The following CEMIP variants were observed in gnomAD, a reference collection of about 807,000 sequenced individuals.
The protein encoded by CEMIP is cell migration-inducing and hyaluronan-binding protein.
In CEMIP, 105 loss-of-function variants were observed where a neutral mutation model predicts 156.9. The observed-to-expected ratio is 0.67, with a 90% confidence interval of 0.57 to 0.79. CEMIP has a LOEUF of 0.79. Among genes scored for constraint, CEMIP ranks in the 30% least tolerant of loss-of-function variants. The pLI, the probability that CEMIP is intolerant of heterozygous loss-of-function variation, is 0.00. For synonymous variants in CEMIP, 676 were observed against 668.4 expected (o/e 1.01, Z -0.17); for missense variants, 1,457 against 1,769.4 (o/e 0.82, Z 3.17).
At chr15:80,927,043 C>A (rs761152385) in intron 19 of CEMIP, among the ~76,000 whole-genome samples, 24 of 152,326 alleles carry the variant, frequency 1.6e-4, no homozygotes, top group East Asian at 1.4e-3. Context: ...ATTGGCCAGG[C>A]TGGTCGCAAG....
At chr15:80,827,149 G>A (rs35519924) in intron 1 of CEMIP, among the ~76,000 whole-genome samples, 54,513 of 152,020 alleles carry the variant, frequency 0.36, 11,070 homozygotes, top group Non-Finnish European at 0.44. Flanking sequence ...CTGGGGATAG[G>A]TGACGTGTCC....
rs1901398119 is a variant in CEMIP, at chr15:80,942,950, T to C, written c.3705T>C (p.Asp1235=). 5 of 1,614,180 alleles carry C rather than the reference T, an allele frequency of 3.1e-6. No individual in the cohort carries two copies. The highest frequency in any genetic ancestry group is 4.2e-6 in the Non-Finnish European group (5 of 1,180,028). ...GGATTGCTCTGGCTCTGTAGGTGGA[T>C]GGGAAGAAGTACCCCAGTTCGGAGG... ...LWNDFAYIEV[D]GKKYPSSEDG... The change falls in exon 28 of 30, where the codon GAT becomes GAC. Residue 1235 remains aspartate, a synonymous_variant. Coordinates refer to ENST00000394685, the MANE Select transcript of CEMIP (RefSeq NM_001293298.2).
chr15:80,881,168 A>C, intron 6 of CEMIP, 32 bp downstream of exon 6: 341 of 1,569,360 alleles, frequency 2.2e-4, no homozygotes, highest in Non-Finnish European at 2.7e-4. Flanking sequence ...ACGTATACTC[A>C]TTCATTCAAA....
At chr15:80,886,734 G>T (rs1468072303) in intron 7 of CEMIP, among the ~76,000 whole-genome samples, 1 of 152,202 alleles carries the variant, frequency 6.6e-6, no homozygotes, top group African/African-American at 2.4e-5. Flanking sequence ...GTCTGTACAC[G>T]AGGTTTGATG....
At position 80,840,136 on chromosome 15, in the gene CEMIP, G is replaced by A. The variant is rs192073900; in HGVS notation, c.-175-33402G>A. 4.5e-3 allele frequency among the ~76,000 whole-genome samples: 690 copies of A among 152,318 alleles called. 4 individuals are homozygous for A. Among genetic ancestry groups the A allele is most frequent in the African/African-American group, 0.015 (610 of 41,576 alleles). On this transcript the variant is annotated intron_variant, in intron 1 of 29. Transcript: ENST00000394685. ...AAGGGGGGTGTCTAAGTCCCAAGGT[G>A]CTTCCTAGGGGCTCGGAGGGTGGCC...
At chr15:80,824,961 T>C (rs887724325) in intron 1 of CEMIP, among the ~76,000 whole-genome samples, 1 of 152,166 alleles carries the variant, frequency 6.6e-6, no homozygotes. Flanking sequence ...ATCATCAGAT[T>C]GGGATATATG....
At chr15:80,945,069 C>T (rs1901491728) in intron 28 of CEMIP, among the ~76,000 whole-genome samples, 1 of 152,216 alleles carries the variant, frequency 6.6e-6, no homozygotes, top group African/African-American at 2.4e-5. Context: ...TGCTTCCTAC[C>T]CCATCCAGCA....
chr15:80,803,973 G>A (rs936126378), intron 1 of CEMIP, among the ~76,000 whole-genome samples: 2 of 152,226 alleles, frequency 1.3e-5, no homozygotes, highest in African/African-American at 4.8e-5. Context: ...CACAGCTGGG[G>A]AGGCCTCACA....
intron 7 of CEMIP, among the ~76,000 whole-genome samples, chr15:80,887,052 TAC>T (rs1898868407): frequency 6.6e-6 from 1 of 152,186 alleles, no homozygotes; most frequent in Admixed American, 6.5e-5. Context: ...CATTAGGCAT[TAC>T]GCAAAATGCC....
chr15:80,814,607 G>C (rs1455497832), intron 1 of CEMIP, among the ~76,000 whole-genome samples: 1 of 152,176 alleles, frequency 6.6e-6, no homozygotes, highest in Non-Finnish European at 1.5e-5. Context: ...GGCAGAACCT[G>C]TGGGTGCCTT....
At chr15:80,793,209 G>A (rs1896126961) in intron 1 of CEMIP, among the ~76,000 whole-genome samples, 1 of 152,134 alleles carries the variant, frequency 6.6e-6, no homozygotes, top group South Asian at 2.1e-4. Flanking sequence ...TGCCTAGCTT[G>A]GCTGTGTAAC....
intron 1 of CEMIP, among the ~76,000 whole-genome samples, chr15:80,862,785 G>A (rs936306716): frequency 6.6e-6 from 1 of 152,232 alleles, no homozygotes; most frequent in Non-Finnish European, 1.5e-5. Context: ...TGCAGCATGA[G>A]CTGGGACAGG....
Position 80,863,314 on chromosome 15 carries a change from G to A in CEMIP, c.-175-10224G>A, listed in dbSNP as rs192411134. On this transcript the variant is annotated intron_variant, in intron 1 of 29. Transcript: ENST00000394685. ...ACAAGGAGTTGAAAGTTGCAGAGCC[G>A]GCAAATAGCCAGATTCATTTGGCAA... 7.9e-5 allele frequency among the ~76,000 whole-genome samples: 12 copies of A among 152,300 alleles called. No homozygotes were observed. The South Asian group carries it at 1.0e-3, about 13-fold the overall frequency.
intron 1 of CEMIP, among the ~76,000 whole-genome samples, chr15:80,819,074 T>C (rs1896854302): frequency 6.6e-6 from 1 of 152,228 alleles, no homozygotes. Flanking sequence ...GTAACACATC[T>C]TTCTAGAGAC....
At chr15:80,872,094 G>C (rs1381797615) in intron 1 of CEMIP, among the ~76,000 whole-genome samples, 1 of 152,238 alleles carries the variant, frequency 6.6e-6, no homozygotes, top group East Asian at 1.9e-4. Flanking sequence ...CCCCTTGCCT[G>C]TCCCACCTCA....
chr15:80,921,957 AG>A, intron 16 of CEMIP, 51 bp from the exon 17 acceptor site: 1 of 1,612,328 alleles, frequency 6.2e-7, no homozygotes, highest in Non-Finnish European at 8.5e-7. Context: ...CTTGCCCAGG[AG>A]CTCTCTGGGG....
chr15:80,844,875 A>G (rs982446704), intron 1 of CEMIP, among the ~76,000 whole-genome samples: 2 of 152,198 alleles, frequency 1.3e-5, no homozygotes, highest in Non-Finnish European at 2.9e-5. Flanking sequence ...CCCCAGCCCC[A>G]GGGTGCCCAT....
chr15:80,929,900 T>G (rs1596200322), intron 21 of CEMIP, among the ~76,000 whole-genome samples: 1 of 151,962 alleles, frequency 6.6e-6, no homozygotes, highest in Non-Finnish European at 1.5e-5. Flanking sequence ...CTTGGAAGGG[T>G]GATGAGCAAA....
chr15:80,937,674 C>T, intron 24 of CEMIP, 120 bp from the exon 25 acceptor site: 1 of 882,826 alleles, frequency 1.1e-6, no homozygotes, highest in South Asian at 1.4e-5. Flanking sequence ...CAAAATTTCC[C>T]ATACAAAAGT....
Sources: gnomAD v4.1 joint callset for allele counts (sites outside exome capture counted in the v4.1 genomes callset) on GRCh38, gnomAD v4.1.1 for gene constraint, MANE v1.5 for transcripts, NCBI Gene and HGNC (gene_info 2026-07-23, HGNC 2026-07-21) for gene names.